AGO2: variants seen among roughly 807,000 people sequenced by gnomAD.
The protein encoded by AGO2 is argonaute RISC catalytic component 2, also known as protein argonaute-2.
AGO2 carries 5 observed loss-of-function variants against 102.3 expected under a neutral mutation model. That is an observed-to-expected ratio of 0.05 (90% CI 0.03 to 0.10). The LOEUF (loss-of-function observed/expected upper bound fraction) is 0.10, where lower values mean the gene tolerates loss of function less well. Among genes scored for constraint, AGO2 ranks in the 10% least tolerant of loss-of-function variants. AGO2 has a pLI of 1.00. For missense variants in AGO2, 541 were observed against 1,183.7 expected, an observed-to-expected ratio of 0.46 and a Z score of 7.97; for synonymous variants, 449 against 473.1, an observed-to-expected ratio of 0.95 and a Z score of 0.66.
chr8:140,587,354 T>C (rs2073674967), intron 1 of AGO2, among the ~76,000 whole-genome samples: 1 of 152,234 alleles, frequency 6.6e-6, no homozygotes, highest in Admixed American at 6.5e-5. Flanking sequence ...ACGTGGAATA[T>C]AAAATTACAA....
intron 2 of AGO2, among the ~76,000 whole-genome samples, chr8:140,576,883 C>T (rs1185331500): frequency 2.0e-5 from 3 of 152,120 alleles, no homozygotes; most frequent in African/African-American, 4.8e-5. Flanking sequence ...TTGAATCCAC[C>T]GCTACACGCA....
Position 140,527,384 on chromosome 8 carries a change from CA to C in AGO2, c.*4659del, listed in dbSNP as rs943270022. 1.3e-5 allele frequency: 2 copies of C among 152,594 alleles called. No homozygotes were observed. Among genetic ancestry groups the C allele is most frequent in the African/African-American group, 2.4e-5 (1 of 41,446 alleles). The allele number at this position is 152,594 out of a possible 1,614,324, so 9.5% of individuals were successfully genotyped here. A position where few individuals can be genotyped will look rare whatever the true frequency, so the allele number is the denominator to read the frequency against. ...TGCATTCATGTCACTTCTCCTACCA[CA>C]AATCTATTTACAATCATCTCAAACA... On this transcript the variant is annotated 3_prime_UTR_variant, in exon 19 of 19. Transcript: ENST00000220592. This position sits in a 1 kb window ranked among gnomAD's most constrained non-coding sequence, Gnocchi z 6.0.
intron 14 of AGO2, among the ~76,000 whole-genome samples, chr8:140,541,900 T>TCAAAAA (rs537244456): frequency 9.2e-5 from 14 of 152,096 alleles, no homozygotes; most frequent in Middle Eastern, 3.4e-3. Context: ...AGACTCTATC[T>TCAAAAA]CAAAAACAAA....
At chr8:140,553,623 G>A (rs1472413428) in intron 10 of AGO2, among the ~76,000 whole-genome samples, 2 of 151,874 alleles carry the variant, frequency 1.3e-5, no homozygotes, top group African/African-American at 2.4e-5. Flanking sequence ...TGGTCAGGCT[G>A]GTCTCGAATT....
chr8:140,559,314 G>A (rs2073157230), intron 6 of AGO2, 81 bp downstream of exon 6: 3 of 1,557,832 alleles, frequency 1.9e-6, no homozygotes. Context: ...ACAAGAACCA[G>A]AACTGCAAAA....
intron 4 of AGO2, among the ~76,000 whole-genome samples, chr8:140,561,513 T>C (rs2073201527): frequency 6.6e-6 from 1 of 152,108 alleles, no homozygotes; most frequent in African/African-American, 2.4e-5. Context: ...CCTCCTAGAG[T>C]GTTTCTCCAC....
chr8:140,541,420 G>A (rs1192446888), intron 14 of AGO2, 62 bp from the exon 15 acceptor site: 55 of 1,440,824 alleles, frequency 3.8e-5, no homozygotes, highest in Non-Finnish European at 5.0e-5. Context: ...CTGGGCATGT[G>A]CCTGGACTCT....
At chr8:140,565,242 A>G (rs1028774543) in intron 3 of AGO2, among the ~76,000 whole-genome samples, 8 of 151,986 alleles carry the variant, frequency 5.3e-5, no homozygotes, top group Non-Finnish European at 1.0e-4. Flanking sequence ...GATCGAGACC[A>G]TCCTGGCTAA....
rs115638202 is a variant in AGO2 at position 140,564,062 on chromosome 8, G to A, written c.337-1428C>T. On this transcript the variant is annotated intron_variant, in intron 3 of 18. Coordinates refer to ENST00000220592, the MANE Select transcript of AGO2 (RefSeq NM_012154.5). ...TGTGCCCGATGGCCCCAAACTGGCC[G>A]CGCCCCGAGGACCATCTGCAAAAGA... Among the ~76,000 whole-genome samples, 453 of 152,332 alleles carry A rather than the reference G, an allele frequency of 3.0e-3. 3 individuals are homozygous for A. The highest frequency in any genetic ancestry group is 8.4e-3 in the African/African-American group (349 of 41,574).
intron 1 of AGO2, among the ~76,000 whole-genome samples, chr8:140,604,345 A>G (rs1449285932): frequency 2.0e-5 from 3 of 152,186 alleles, no homozygotes; most frequent in African/African-American, 7.2e-5. Flanking sequence ...GGTATGTTGA[A>G]ATTAACGGCT....
chr8:140,545,174 C>T (rs561461629), intron 13 of AGO2, among the ~76,000 whole-genome samples: 85 of 152,300 alleles, frequency 5.6e-4, no homozygotes, highest in Admixed American at 9.2e-4. Context: ...TCACTCCCAT[C>T]GCCTGCCTTG....
chr8:140,639,315 A>G (rs1427620099), upstream of AGO2, among the ~76,000 whole-genome samples: 1 of 152,144 alleles, frequency 6.6e-6, no homozygotes, highest in African/African-American at 2.4e-5. Flanking sequence ...CCCTGTCTCT[A>G]CTAAAAATAC....
Position 140,526,361 on chromosome 8 carries a change from A to C in AGO2, c.*5683T>G, listed in dbSNP as rs541849848. 5 of 152,360 alleles carry C rather than the reference A, an allele frequency of 3.3e-5. No homozygotes were observed. The East Asian group carries it at 9.7e-4, about 29-fold the overall frequency. 9.4% of individuals were successfully genotyped at this position (152,360 alleles called of 1,614,324 possible). ...GGCTCCTGCCAGCCTGAAGGATGGC[A>C]TGCCGTTATGCCGTCCCGTGCAGAG... On this transcript the variant is annotated 3_prime_UTR_variant, in exon 19 of 19. Transcript: ENST00000220592. The surrounding 1 kb of genome is among the most constrained non-coding windows in gnomAD (Gnocchi z 5.2).
Position 140,557,271 on chromosome 8 carries a change from T to A in AGO2, c.879-35A>T, listed in dbSNP as rs2073113338. On this transcript the variant is annotated intron_variant, in intron 7 of 18. Transcript: ENST00000220592. The surrounding 1 kb of genome is among the most constrained non-coding windows in gnomAD (Gnocchi z 5.9). ...AAAGGGGCTGTTCAGGCCGAGGGCA[T>A]CCCGGAGCCCCTTCCCCTGCGCTGC... 1 of 1,582,276 alleles carries A rather than the reference T, an allele frequency of 6.3e-7. No individual in the cohort carries two copies. Among genetic ancestry groups the A allele is most frequent in the South Asian group, 1.1e-5 (1 of 87,156 alleles).
intron 1 of AGO2, among the ~76,000 whole-genome samples, chr8:140,611,015 C>A (rs561477668): frequency 2.8e-4 from 42 of 152,362 alleles, no homozygotes; most frequent in Admixed American, 2.4e-3. Context: ...GCAGATCATT[C>A]GAGAGTTAAA....
chr8:140,575,306 ACC>A (rs2073447479), intron 2 of AGO2, among the ~76,000 whole-genome samples: 1 of 143,774 alleles, frequency 7.0e-6, no homozygotes, highest in Non-Finnish European at 1.5e-5. Flanking sequence ...GCACAATCTC[ACC>A]TGGCACCTCC....
chr8:140,609,812 G>A (rs1436152709), intron 1 of AGO2, among the ~76,000 whole-genome samples: 1 of 151,836 alleles, frequency 6.6e-6, no homozygotes, highest in Non-Finnish European at 1.5e-5. Context: ...AGCCAGGCAC[G>A]GGGGCTCACA....
chr8:140,622,046 C>T (rs540369413), intron 1 of AGO2, among the ~76,000 whole-genome samples: 1 of 152,346 alleles, frequency 6.6e-6, no homozygotes, highest in Admixed American at 6.5e-5. Context: ...CATATCCATA[C>T]ACTCGGATAC....
At chr8:140,533,136 T>G (rs757568457) in intron 17 of AGO2, among the ~76,000 whole-genome samples, 1 of 151,912 alleles carries the variant, frequency 6.6e-6, no homozygotes, top group Non-Finnish European at 1.5e-5. Context: ...ACACCTGTAA[T>G]CCCAGCACTT....
Sources: gnomAD v4.1 joint callset for allele counts (sites outside exome capture counted in the v4.1 genomes callset) on GRCh38, gnomAD v4.1.1 for gene constraint, Gnocchi (gnomAD v3.1) non-coding constraint, MANE v1.5 for transcripts, NCBI Gene and HGNC (gene_info 2026-07-23, HGNC 2026-07-21) for gene names.